The following CCDC178 variants were observed in gnomAD, a reference collection of about 807,000 sequenced individuals.
CCDC178 encodes the protein coiled-coil domain containing 178.
CCDC178 carries 126 observed loss-of-function variants against 117.4 expected under a neutral mutation model. That is an observed-to-expected ratio of 1.07 (90% CI 0.93 to 1.24). CCDC178 has a LOEUF of 1.24. Among genes scored for constraint, CCDC178 ranks in the 50% most tolerant of loss-of-function variants. CCDC178 has a pLI of 0.00. For missense variants in CCDC178, 1,030 were observed against 986.9 expected (o/e 1.04, Z -0.59); for synonymous variants, 283 against 313.4 (o/e 0.90, Z 1.02).
chr18:33,015,583 A>AAAC (rs149187577), intron 21 of CCDC178, among the ~76,000 whole-genome samples: 12,338 of 151,692 alleles, frequency 0.081, 671 homozygotes, highest in African/African-American at 0.14. Context: ...CAACAACAAC[A>AAAC]AACAACAACA....
chr18:32,991,710 T>C (rs540537699), intron 21 of CCDC178, among the ~76,000 whole-genome samples: 1 of 152,208 alleles, frequency 6.6e-6, no homozygotes, highest in South Asian at 2.1e-4. Context: ...TTCAGGCTTA[T>C]GCAGAGGTGT....
At chr18:33,158,471 G>A (rs752697633) in intron 20 of CCDC178, among the ~76,000 whole-genome samples, 10 of 151,646 alleles carry the variant, frequency 6.6e-5, no homozygotes, top group Non-Finnish European at 1.2e-4. Context: ...AAAATGCATC[G>A]TAATTTTGCA....
At chr18:33,357,222 C>T (rs1410277715) in intron 6 of CCDC178, among the ~76,000 whole-genome samples, 3 of 152,092 alleles carry the variant, frequency 2.0e-5, no homozygotes, top group Non-Finnish European at 4.4e-5. Flanking sequence ...TGTAACCAAA[C>T]CACCTTGGGC....
intron 21 of CCDC178, among the ~76,000 whole-genome samples, chr18:33,030,570 G>GATAGAT: frequency 1.1e-5 from 1 of 94,966 alleles, no homozygotes; most frequent in Non-Finnish European, 2.3e-5. Context: ...GATAGATAGA[G>GATAGAT]GTAGATATAG....
intron 21 of CCDC178, among the ~76,000 whole-genome samples, chr18:33,005,689 G>C (rs1445652966): frequency 1.3e-5 from 2 of 151,920 alleles, no homozygotes; most frequent in African/African-American, 4.8e-5. Flanking sequence ...ATTATGCATT[G>C]AGTGCCTTTG....
intron 11 of CCDC178, among the ~76,000 whole-genome samples, chr18:33,303,591 G>A (rs2062208864): frequency 6.6e-6 from 1 of 151,828 alleles, no homozygotes; most frequent in African/African-American, 2.4e-5. Flanking sequence ...TGGGGGATGA[G>A]GAGAAGGGAT....
At chr18:32,961,941 T>C (rs2054712943) in intron 22 of CCDC178, among the ~76,000 whole-genome samples, 1 of 152,116 alleles carries the variant, frequency 6.6e-6, no homozygotes, top group African/African-American at 2.4e-5. Context: ...TTTAGATCTA[T>C]TGTTATTTTT....
At chr18:33,181,919 C>T (rs1029118478) in intron 20 of CCDC178, among the ~76,000 whole-genome samples, 3 of 151,642 alleles carry the variant, frequency 2.0e-5, no homozygotes, top group Admixed American at 1.3e-4. Flanking sequence ...AACATTTTTC[C>T]TTAGTGGCAA....
intron 6 of CCDC178, among the ~76,000 whole-genome samples, chr18:33,363,792 C>G (rs1470789244): frequency 6.6e-6 from 1 of 151,900 alleles, no homozygotes; most frequent in Non-Finnish European, 1.5e-5. Flanking sequence ...TTCATGATAC[C>G]AGAAAGATAT....
intron 21 of CCDC178, among the ~76,000 whole-genome samples, chr18:33,023,653 C>A (rs1030701584): frequency 7.2e-5 from 11 of 152,064 alleles, no homozygotes; most frequent in Non-Finnish European, 1.3e-4. Context: ...CTTAGCTTCC[C>A]AAACATCCCA....
At chr18:33,421,047 A>G (rs772624065) in intron 2 of CCDC178, among the ~76,000 whole-genome samples, 78 of 152,156 alleles carry the variant, frequency 5.1e-4, no homozygotes, top group Non-Finnish European at 9.6e-4. Context: ...TCTATTTTAG[A>G]CAGGTTCTTC....
chr18:33,407,579 A>G (rs1403223751), intron 3 of CCDC178, among the ~76,000 whole-genome samples: 1 of 152,114 alleles, frequency 6.6e-6, no homozygotes, highest in Non-Finnish European at 1.5e-5. Context: ...AGAAGAAACA[A>G]AAACAGTATT....
At chr18:33,341,847 A>G (rs1466731325) in intron 9 of CCDC178, among the ~76,000 whole-genome samples, 1 of 152,162 alleles carries the variant, frequency 6.6e-6, no homozygotes, top group East Asian at 1.9e-4. Flanking sequence ...ACTGATACAG[A>G]CCTAAAACTA....
intron 12 of CCDC178, among the ~76,000 whole-genome samples, chr18:33,273,962 G>A (rs530723711): frequency 6.6e-6 from 1 of 151,826 alleles, no homozygotes; most frequent in East Asian, 1.9e-4. Flanking sequence ...ACATGACATG[G>A]AGTGGGAGAA....
Position 33,267,259 on chromosome 18 carries a change from C to A in CCDC178, c.1215G>T (p.Trp405Cys), listed in dbSNP as rs141705181. ...DLRRVYDQLT[W>C]KQKSHENQYL... The stretch of plus-strand genomic sequence containing the variant: ...ACTGATTTTCATGACTTTTTTGCTT[C>A]CAGGTTAGTTGGTCATAAACTCTTC... The change falls in exon 13 of 23, where the codon TGG becomes TGT. Residue 405 changes from tryptophan (W) to cysteine (C), a missense_variant. Coordinates refer to ENST00000383096, the MANE Select transcript of CCDC178 (RefSeq NM_001105528.4). 6.2e-7 allele frequency: 1 copy of A among 1,605,292 alleles called. No homozygotes were observed. The highest frequency in any genetic ancestry group is 8.5e-7 in the Non-Finnish European group (1 of 1,177,156).
At chr18:33,134,266 T>C (rs749668041) in intron 20 of CCDC178, among the ~76,000 whole-genome samples, 9 of 152,028 alleles carry the variant, frequency 5.9e-5, no homozygotes, top group Admixed American at 1.3e-4. Context: ...GGAGTACCTT[T>C]TCCATAATTT....
intron 5 of CCDC178, among the ~76,000 whole-genome samples, chr18:33,371,036 T>C (rs2063290301): frequency 1.3e-5 from 2 of 152,032 alleles, no homozygotes; most frequent in Non-Finnish European, 2.9e-5. Flanking sequence ...GATGTCCTCA[T>C]TTCAATTGAC....
At chr18:33,275,732 A>T (rs934174877) in intron 12 of CCDC178, among the ~76,000 whole-genome samples, 53 of 149,248 alleles carry the variant, frequency 3.6e-4, no homozygotes, top group African/African-American at 1.3e-3. Context: ...TCTATGGTCA[A>T]TCTGGGAAAC....
rs1226918798 is a variant in CCDC178, at chr18:33,412,055, T to C, written c.34A>G (p.Thr12Ala). 3.3e-6 allele frequency: 5 copies of C among 1,509,466 alleles called. No homozygotes were observed. The African/African-American group carries it at 4.1e-5, about 13-fold the overall frequency. The allele number at this position is 1,509,466 out of a possible 1,614,324, so 93.5% of individuals were successfully genotyped here. Residue 12 changes from threonine (T) to alanine (A), a missense_variant, in exon 3 of 23, where the codon ACT (threonine) becomes GCT (alanine). Thr to Ala is a moderately conservative substitution (Grantham distance 58). Coordinates refer to ENST00000383096, the MANE Select transcript of CCDC178 (RefSeq NM_001105528.4). ...CCTATATTGGTTTGATCATCTCTAG[T>C]GGAAGAAGAGGAAACTGTCTTGTTT... Reference protein sequence around the residue: ...TENKTVSSSSTRDDQTNIGLT... With the variant: ...TENKTVSSSSARDDQTNIGLT...
Sources: gnomAD v4.1 joint callset for allele counts (sites outside exome capture counted in the v4.1 genomes callset) on GRCh38, gnomAD v4.1.1 for gene constraint, MANE v1.5 for transcripts, NCBI Gene and HGNC (gene_info 2026-07-23, HGNC 2026-07-21) for gene names.